Variants in CBL observed in about 807,000 individuals in gnomAD.
CBL encodes Cbl proto-oncogene, also known as E3 ubiquitin-protein ligase CBL.
A neutral mutation model predicts 96.9 loss-of-function variants in CBL; 45 were observed. The observed-to-expected ratio is 0.46, with a 90% confidence interval of 0.37 to 0.60. The LOEUF (loss-of-function observed/expected upper bound fraction) is 0.60. Among genes scored for constraint, CBL ranks in the 20% least tolerant of loss-of-function variants. CBL has a pLI of 0.00. For missense variants in CBL, 1,024 were observed against 1,143.5 expected, an observed-to-expected ratio of 0.90 and a Z score of 1.51; for synonymous variants, 420 against 426.8, an observed-to-expected ratio of 0.98 and a Z score of 0.20.
intron 5 of CBL, 132 bp from the exon 6 acceptor site, chr11:119,275,865 A>AAAAG (rs565670166): frequency 6.6e-5 from 64 of 969,680 alleles, no homozygotes; most frequent in African/African-American, 9.7e-5. Context: ...CCATCTTAAA[A>AAAAG]AAAGAAAGAA....
Position 119,206,889 on chromosome 11 carries a change from T to G in CBL, c.195+277T>G, listed in dbSNP as rs2135244557. Among the ~76,000 whole-genome samples the G allele has an allele frequency of 2.0e-5, 3 of 151,996 alleles. No individual in the cohort carries two copies. The South Asian group carries it at 6.2e-4, about 32-fold the overall frequency. ...GATGGAGTGGGGGCTGGGGCGAAGG[T>G]TAACTGGGAAGTCAGTGGGGCGGAA... On this transcript the variant is annotated intron_variant, in intron 1 of 15. Transcript: ENST00000264033.
intron 3 of CBL, among the ~76,000 whole-genome samples, chr11:119,272,777 T>C (rs1290994070): frequency 2.0e-5 from 3 of 152,182 alleles, no homozygotes; most frequent in Non-Finnish European, 2.9e-5. Context: ...GATTTACCCA[T>C]TTTCTTATTG....
rs2135309906 is a variant in CBL, at chr11:119,284,964, C to T, written c.1432-5C>T. 1 of 1,613,984 alleles carries T rather than the reference C, an allele frequency of 6.2e-7. No homozygotes were observed. ...GTAATCTGTTAAATTTTTTATGTAC[C>T]CTAGGTGGAACGGCCGCCTTCTCCA... is the stretch of plus-strand genomic sequence containing the variant. On this transcript the variant is annotated splice_polypyrimidine_tract_variant and splice_region_variant and intron_variant, in intron 9 of 15. Coordinates refer to ENST00000264033, the MANE Select transcript of CBL (RefSeq NM_005188.4).
At chr11:119,211,217 C>T (rs1455762217) in intron 1 of CBL, among the ~76,000 whole-genome samples, 2 of 151,884 alleles carry the variant, frequency 1.3e-5, no homozygotes, top group African/African-American at 4.8e-5. Context: ...ACTAAAAATA[C>T]AAAAATTAGC....
chr11:119,274,218 A>G (rs978746463), intron 4 of CBL, among the ~76,000 whole-genome samples, 194 bp downstream of exon 4: 2 of 152,118 alleles, frequency 1.3e-5, no homozygotes, highest in African/African-American at 4.8e-5. Context: ...GTATGTATAT[A>G]TAGTGAAAAT....
At chr11:119,269,018 T>C (rs1185028493) in intron 2 of CBL, among the ~76,000 whole-genome samples, 2 of 152,214 alleles carry the variant, frequency 1.3e-5, no homozygotes, top group Non-Finnish European at 2.9e-5. Flanking sequence ...AGGCTGCTGA[T>C]TGTGCAGTCT....
At chr11:119,275,970 A>G in intron 5 of CBL, 27 bp from the exon 6 acceptor site, 1 of 1,611,608 alleles carries the variant, frequency 6.2e-7, no homozygotes, top group East Asian at 2.2e-5. Flanking sequence ...ATAATCTACT[A>G]AAGCTTCTGT....
intron 2 of CBL, among the ~76,000 whole-genome samples, chr11:119,256,582 G>C (rs1363928902): frequency 6.6e-6 from 1 of 151,712 alleles, no homozygotes; most frequent in African/African-American, 2.4e-5. Flanking sequence ...GTAACTTTAG[G>C]GATACAGGTG....
Position 119,277,798 on chromosome 11 carries a change from C to T in CBL, c.1049C>T (p.Thr350Ile). The change falls in exon 7 of 16, where the codon ACT becomes ATT. Residue 350 changes from threonine to isoleucine, a missense_variant. This residue lies in a region of CBL where 192 missense variants were observed against 321.8 expected (regional missense o/e 0.60). Transcript: ENST00000264033. ...GGACGAAATCAGAATCCTGATCTGA[C>T]TGGCTTATGTGAACCAACTCCCCAA... ...PDGRNQNPDLTGLCEPTPQDH... is the reference protein window; with the variant it reads ...PDGRNQNPDLIGLCEPTPQDH... The T allele has an allele frequency of 6.2e-7, 1 of 1,613,958 alleles. No homozygotes were observed. The highest frequency in any genetic ancestry group is 8.5e-7 in the Non-Finnish European group (1 of 1,179,852).
chr11:119,227,081 G>A (rs1001478105), intron 1 of CBL, among the ~76,000 whole-genome samples: 13 of 152,206 alleles, frequency 8.5e-5, no homozygotes, highest in African/African-American at 3.1e-4. Flanking sequence ...GTGCAAAAGT[G>A]ATAGCTATTC....
intron 11 of CBL, among the ~76,000 whole-genome samples, chr11:119,287,584 G>C (rs373430664): frequency 1.3e-5 from 2 of 152,194 alleles, no homozygotes; most frequent in African/African-American, 2.4e-5. Flanking sequence ...TATTTGTGTA[G>C]ATAGCCAATT....
At chr11:119,207,272 T>C (rs1467726922) in intron 1 of CBL, among the ~76,000 whole-genome samples, 1 of 152,346 alleles carries the variant, frequency 6.6e-6, no homozygotes, top group East Asian at 1.9e-4. Context: ...CTGGATGTGA[T>C]CCATTGCTGG....
chr11:119,260,071 G>T (rs1182051589), intron 2 of CBL, among the ~76,000 whole-genome samples: 1 of 152,104 alleles, frequency 6.6e-6, no homozygotes, highest in Non-Finnish European at 1.5e-5. Context: ...TTATACTCAT[G>T]TTAGTATCTT....
intron 2 of CBL, among the ~76,000 whole-genome samples, chr11:119,265,554 C>T (rs537200644): frequency 2.2e-4 from 34 of 152,194 alleles, no homozygotes; most frequent in Admixed American, 1.8e-3. Flanking sequence ...AGTTGGAGAC[C>T]AGCCTGGGCA....
At chr11:119,276,690 A>G (rs1265915710) in intron 6 of CBL, among the ~76,000 whole-genome samples, 1 of 152,270 alleles carries the variant, frequency 6.6e-6, no homozygotes, top group Non-Finnish European at 1.5e-5. Context: ...ACAGTTGACC[A>G]GATGGCAGAA....
intron 12 of CBL, among the ~76,000 whole-genome samples, chr11:119,293,610 G>A (rs1263527236): frequency 6.6e-6 from 1 of 151,990 alleles, no homozygotes; most frequent in Non-Finnish European, 1.5e-5. Flanking sequence ...GGCATTTCAG[G>A]TATACTTCTC....
chr11:119,294,682 T>A (rs1020796166), intron 12 of CBL, among the ~76,000 whole-genome samples: 6 of 151,548 alleles, frequency 4.0e-5, no homozygotes, highest in Non-Finnish European at 8.8e-5. Flanking sequence ...TCCCAGCTGC[T>A]CGGTAGGCTG....
intron 1 of CBL, among the ~76,000 whole-genome samples, chr11:119,206,940 G>T (rs1039869665): frequency 3.9e-5 from 6 of 152,084 alleles, no homozygotes; most frequent in South Asian, 4.1e-4. Flanking sequence ...CGGAGTTTGG[G>T]GCTCTGTGCA....
In CBL at chr11:119,306,271, TC is replaced by T. The variant is rs1950140070; in HGVS notation, c.*6493del. ...GCTTGAGAAAAATGCAGCCGACCACTCCCTGTGTTTGTACAGAGCAAAGCCC... is the reference window on the plus strand; with the variant it reads ...GCTTGAGAAAAATGCAGCCGACCACTCCTGTGTTTGTACAGAGCAAAGCCC... On this transcript the variant is annotated 3_prime_UTR_variant, in exon 16 of 16. Transcript: ENST00000264033. The T allele has an allele frequency of 5.0e-6, 2 of 398,496 alleles. No individual in the cohort carries two copies. The highest frequency in any genetic ancestry group is 8.8e-6 in the Non-Finnish European group (2 of 226,056). The allele number at this position is 398,496 out of a possible 1,614,324, so 24.7% of individuals were successfully genotyped here.
Sources: gnomAD v4.1 joint callset for allele counts (sites outside exome capture counted in the v4.1 genomes callset) on GRCh38, gnomAD v4.1.1 for gene constraint, gnomAD v4.1.1 regional missense constraint, MANE v1.5 for transcripts, NCBI Gene and HGNC (gene_info 2026-07-23, HGNC 2026-07-21) for gene names.